LAMA4: variants seen among roughly 807,000 people sequenced by gnomAD.
The protein encoded by LAMA4 is laminin subunit alpha 4.
Under a neutral mutation model 207.1 loss-of-function variants are expected in LAMA4, and 127 were observed. The observed-to-expected ratio is 0.61, with a 90% CI of 0.53 to 0.71. LAMA4 has a LOEUF of 0.71. Among genes scored for constraint, LAMA4 ranks in the 30% least tolerant of loss-of-function variants. LAMA4 has a pLI of 0.00. For missense variants in LAMA4, 2,093 were observed against 2,246.5 expected, an observed-to-expected ratio of 0.93 and a Z score of 1.38; for synonymous variants, 761 against 816.0, an observed-to-expected ratio of 0.93 and a Z score of 1.15.
intron 11 of LAMA4, among the ~76,000 whole-genome samples, chr6:112,174,648 A>T (rs782102986): frequency 6.6e-5 from 10 of 152,210 alleles, no homozygotes; most frequent in Non-Finnish European, 1.5e-4. Context: ...ACATGCCACC[A>T]CGCCCAGCTA....
intron 2 of LAMA4, among the ~76,000 whole-genome samples, chr6:112,222,638 G>C (rs35563927): frequency 0.027 from 4,107 of 152,236 alleles, 93 homozygotes; most frequent in Middle Eastern, 0.12. Context: ...TCACATTTCT[G>C]TGGCTACTCC....
At chr6:112,249,900 A>G (rs1554189392) in intron 2 of LAMA4, among the ~76,000 whole-genome samples, 1 of 152,084 alleles carries the variant, frequency 6.6e-6, no homozygotes, top group Non-Finnish European at 1.5e-5. Context: ...TTTTCACATT[A>G]CCTCCATGGC....
At chr6:112,201,990 T>A (rs1175461910) in intron 4 of LAMA4, among the ~76,000 whole-genome samples, 1 of 152,204 alleles carries the variant, frequency 6.6e-6, no homozygotes, top group Non-Finnish European at 1.5e-5. Flanking sequence ...CAATTTTGGA[T>A]TTATAAGAGA....
chr6:112,218,364 T>C (rs1235389271), intron 2 of LAMA4: 4 of 152,206 alleles, frequency 2.6e-5, no homozygotes, highest in African/African-American at 9.7e-5. Flanking sequence ...TTGTGAAGGA[T>C]CTGCATTTTT....
Position 112,114,093 on chromosome 6 carries a change from AAC to A in LAMA4, c.5307_5308del (p.Phe1770CysfsTer29). The A allele has an allele frequency of 6.2e-7, 1 of 1,613,900 alleles. No individual in the cohort carries two copies. On this transcript the variant is annotated frameshift_variant, in exon 38 of 39. Transcript: ENST00000230538. LOFTEE classifies it high-confidence loss of function. ...ACACTTACCTGGAACACCTCCAACA[AAC>A]ACAGGCTCCCTGTGATCAATTGGTT...
chr6:112,159,136 AC>A (rs201962680), intron 13 of LAMA4: 1 of 444,122 alleles, frequency 2.3e-6, no homozygotes, highest in South Asian at 2.4e-5. Context: ...AAAAACTAAA[AC>A]TAAACTAAAA....
chr6:112,165,268 C>T lies in LAMA4; in HGVS notation c.1560G>A (p.Gln520=). ...CTTCCATTTGTTCCCTCACTCTTTC[C>T]TGTTGTTTCTGCGGGAAGGAAGAGT... is the stretch of plus-strand genomic sequence containing the variant. ...AARQRDHEKQ[Q]ERVREQMEVV... The change falls in exon 13 of 39, where the codon CAG becomes CAA. Residue 520 remains glutamine (Q), a synonymous_variant. Coordinates refer to ENST00000230538, the MANE Select transcript of LAMA4 (RefSeq NM_001105206.3). The T allele has an allele frequency of 1.2e-6, 2 of 1,607,584 alleles. No individual in the cohort carries two copies. Among genetic ancestry groups the T allele is most frequent in the Non-Finnish European group, 1.7e-6 (2 of 1,174,064 alleles).
intron 24 of LAMA4, among the ~76,000 whole-genome samples, chr6:112,137,120 C>T (rs1229580762): frequency 6.6e-6 from 1 of 152,138 alleles, no homozygotes; most frequent in East Asian, 1.9e-4. Context: ...GCACTTGGAA[C>T]ACATGATGTT....
At chr6:112,221,706 G>T (rs975262330) in intron 2 of LAMA4, among the ~76,000 whole-genome samples, 2 of 151,380 alleles carry the variant, frequency 1.3e-5, no homozygotes, top group Non-Finnish European at 2.9e-5. Context: ...GCTCAGTTAG[G>T]AGCTAAAACT....
At chr6:112,132,938 G>A in intron 27 of LAMA4, 48 bp from the exon 28 acceptor site, 1 of 1,578,328 alleles carries the variant, frequency 6.3e-7, no homozygotes, top group Middle Eastern at 1.7e-4. Context: ...ATTATCAAAT[G>A]CTTAAAACTA....
In LAMA4 at chr6:112,241,170, T is replaced by G. The variant is rs201285008; in HGVS notation, c.195+12786A>C. Among the ~76,000 whole-genome samples, 120 of 76,054 alleles carry G rather than the reference T, an allele frequency of 1.6e-3. 1 individual carries two copies. Among genetic ancestry groups the G allele is most frequent in the Non-Finnish European group, 2.0e-3 (70 of 34,974 alleles). The allele number at this position is 76,054 out of a possible 152,430, so 49.9% of individuals were successfully genotyped here. On this transcript the variant is annotated intron_variant, in intron 2 of 38. Coordinates refer to ENST00000230538, the MANE Select transcript of LAMA4 (RefSeq NM_001105206.3). ...ATATGAATATATATATGAATATATA[T>G]GAATATATATGAATATATATGAATA... is the stretch of plus-strand genomic sequence containing the variant.
At chr6:112,146,978 C>A (rs148681398) in intron 18 of LAMA4, among the ~76,000 whole-genome samples, 121 of 152,276 alleles carry the variant, frequency 7.9e-4, no homozygotes, top group African/African-American at 2.8e-3. Context: ...AATCAATTCT[C>A]TTAGAAAAAG....
rs1554344382 is a variant in LAMA4, at chr6:112,178,146, G to T, written c.1164C>A (p.Ala388=). Residue 388 remains alanine, a synonymous_variant, in exon 10 of 39, where the codon GCC becomes GCA. Transcript: ENST00000230538. ...INHASQLVEQ[A]HDMRDKIQEI... Reference sequence around the variant, plus strand: ...CTTGGATTTTATCCCTCATATCATGGGCTTGCTCTACCAGCTGACTTGCGT... The same window carrying T: ...CTTGGATTTTATCCCTCATATCATGTGCTTGCTCTACCAGCTGACTTGCGT... 3 of 1,613,202 alleles carry T rather than the reference G, an allele frequency of 1.9e-6. No individual in the cohort carries two copies. In the Admixed American group the frequency reaches 5.0e-5, roughly 27 times the overall value.
intron 5 of LAMA4, among the ~76,000 whole-genome samples, chr6:112,193,998 G>T (rs1271174336): frequency 1.3e-5 from 2 of 152,140 alleles, no homozygotes; most frequent in African/African-American, 4.8e-5. Context: ...GAAAAAGATG[G>T]GGATGAATGT....
chr6:112,210,204 CTT>C (rs56690682), intron 3 of LAMA4, among the ~76,000 whole-genome samples: 107 of 142,236 alleles, frequency 7.5e-4, no homozygotes, highest in African/African-American at 2.1e-3. Flanking sequence ...TCAGGTACGT[CTT>C]TTTTTTTTTT....
In LAMA4 at chr6:112,109,435, T is replaced by C. The variant is rs1554320863; in HGVS notation, c.*2A>G. Reference sequence around the variant, plus strand: ...GTATTTGGGCAGCTGTGCTCTGTCATGTCAGGCTGCTGGACAGGAGTTGAT... The same window carrying C: ...GTATTTGGGCAGCTGTGCTCTGTCACGTCAGGCTGCTGGACAGGAGTTGAT... On this transcript the variant is annotated 3_prime_UTR_variant, in exon 39 of 39. Transcript: ENST00000230538. The C allele has an allele frequency of 8.1e-6, 13 of 1,613,894 alleles. No homozygotes were observed. Among genetic ancestry groups the C allele is most frequent in the Non-Finnish European group, 1.1e-5 (13 of 1,179,978 alleles).
intron 14 of LAMA4, among the ~76,000 whole-genome samples, chr6:112,157,619 C>G (rs1780796495): frequency 6.6e-6 from 1 of 152,168 alleles, no homozygotes. Flanking sequence ...TGCTGGAACA[C>G]TGTTTGTTGC....
At chr6:112,187,858 C>A (rs782579919) in intron 7 of LAMA4, among the ~76,000 whole-genome samples, 45 of 152,146 alleles carry the variant, frequency 3.0e-4, no homozygotes, top group Non-Finnish European at 5.1e-4. Flanking sequence ...TCTCCCCACC[C>A]CAGGGAGGGC....
chr6:112,188,388 G>A (rs1421682397), intron 7 of LAMA4, among the ~76,000 whole-genome samples: 1 of 152,070 alleles, frequency 6.6e-6, no homozygotes, highest in African/African-American at 2.4e-5. Context: ...CTTGTCTAGG[G>A]GCCACCTGTT....
Sources: allele counts gnomAD v4.1 joint callset (sites outside exome capture counted in the v4.1 genomes callset), GRCh38; gene constraint gnomAD v4.1.1; transcripts MANE v1.5; gene names NCBI Gene and HGNC (gene_info 2026-07-23, HGNC 2026-07-21).